BMERB1: variants seen among roughly 807,000 people sequenced by gnomAD.
BMERB1 encodes the protein bMERB domain-containing protein 1.
In BMERB1, 12 loss-of-function variants were observed where a neutral mutation model predicts 23.6. The ratio of observed to expected loss-of-function variants is 0.51; its 90% confidence interval spans 0.33 to 0.82. BMERB1 has a LOEUF of 0.82. BMERB1 is among the 40% of genes least tolerant of loss of function. The pLI, the probability that BMERB1 is intolerant of heterozygous loss-of-function variation, is 0.03. For missense variants in BMERB1, 247 were observed against 255.4 expected (o/e 0.97, Z 0.22); for synonymous variants, 122 against 96.6 (o/e 1.26, Z -1.54).
intron 1 of BMERB1, among the ~76,000 whole-genome samples, chr16:15,509,024 C>T (rs1328471961): frequency 6.6e-6 from 1 of 151,738 alleles, no homozygotes; most frequent in African/African-American, 2.4e-5. Flanking sequence ...CATTCTTTGC[C>T]CCAAATCCAA....
chr16:15,549,510 C>G (rs567272648), intron 2 of BMERB1, among the ~76,000 whole-genome samples: 3 of 152,028 alleles, frequency 2.0e-5, no homozygotes, highest in South Asian at 4.2e-4. Flanking sequence ...GAAACCCTGT[C>G]TCTACTAAAA....
intron 1 of BMERB1, among the ~76,000 whole-genome samples, chr16:15,505,398 G>A (rs1004212923): frequency 3.3e-5 from 5 of 152,158 alleles, no homozygotes; most frequent in Non-Finnish European, 7.3e-5. Flanking sequence ...CCTAGTACTT[G>A]CTGATTCACC....
chr16:15,519,542 C>G (rs1183082118), intron 2 of BMERB1, among the ~76,000 whole-genome samples: 6 of 152,244 alleles, frequency 3.9e-5, no homozygotes, highest in Admixed American at 3.9e-4. Context: ...AGGTGCCCAC[C>G]ACCATGCCCA....
chr16:15,518,173 G>C (rs2051797810), intron 2 of BMERB1, among the ~76,000 whole-genome samples: 1 of 152,158 alleles, frequency 6.6e-6, no homozygotes, highest in Admixed American at 6.5e-5. Flanking sequence ...TGATCTCATT[G>C]AATGTCCTCA....
intron 2 of BMERB1, among the ~76,000 whole-genome samples, chr16:15,560,521 G>A (rs2030386862): frequency 6.6e-6 from 1 of 152,178 alleles, no homozygotes; most frequent in Non-Finnish European, 1.5e-5. Flanking sequence ...GCCAGGCATA[G>A]TGGCTCATGC....
intron 2 of BMERB1, among the ~76,000 whole-genome samples, chr16:15,552,531 G>A (rs892689482): frequency 4.6e-5 from 7 of 152,298 alleles, no homozygotes; most frequent in South Asian, 4.1e-4. Context: ...GGCTAAGTGC[G>A]GTCCCAGAAA....
rs560888127 is a variant in BMERB1 at position 15,449,005 on chromosome 16, A to G, written c.106+14246A>G. Among the ~76,000 whole-genome samples the G allele has an allele frequency of 2.0e-5, 3 of 152,260 alleles. No individual in the cohort carries two copies. The South Asian group carries it at 6.2e-4, about 32-fold the overall frequency. ...CACACCTTAAATTTTTGATTCTTAG[A>G]TGCCAGCATAGGTGAGGTATAACAT... On this transcript the variant is annotated intron_variant, in intron 1 of 5. Coordinates refer to ENST00000300006, the MANE Select transcript of BMERB1 (RefSeq NM_033201.3).
At chr16:15,567,056 A>G (rs900128156) in intron 2 of BMERB1, among the ~76,000 whole-genome samples, 1 of 151,566 alleles carries the variant, frequency 6.6e-6, no homozygotes, top group African/African-American at 2.4e-5. Context: ...AGTCCCAGCT[A>G]CTCCGTAGGG....
intron 4 of BMERB1, among the ~76,000 whole-genome samples, chr16:15,582,556 A>T (rs920875826): frequency 6.7e-6 from 1 of 148,940 alleles, no homozygotes; most frequent in African/African-American, 2.5e-5. Flanking sequence ...TATCTCTACA[A>T]TTTTTTTTTT....
chr16:15,544,778 A>G (rs557720447), intron 2 of BMERB1, among the ~76,000 whole-genome samples: 9 of 152,172 alleles, frequency 5.9e-5, no homozygotes, highest in Non-Finnish European at 1.3e-4. Context: ...CCTAGCTCAT[A>G]TGAGTGACTG....
chr16:15,468,090 C>CT (rs959967359), intron 1 of BMERB1, among the ~76,000 whole-genome samples: 64 of 117,276 alleles, frequency 5.5e-4, no homozygotes, highest in African/African-American at 1.4e-3. Flanking sequence ...TATTTCTTTT[C>CT]TTTTTTTTTA....
At chr16:15,480,337 A>G (rs2051309114) in intron 1 of BMERB1, among the ~76,000 whole-genome samples, 1 of 151,876 alleles carries the variant, frequency 6.6e-6, no homozygotes, top group Admixed American at 6.6e-5. Context: ...GATGGTCTCA[A>G]TCTCCTGACC....
intron 2 of BMERB1, among the ~76,000 whole-genome samples, chr16:15,545,629 G>A (rs1013104881): frequency 6.6e-6 from 1 of 152,148 alleles, no homozygotes; most frequent in African/African-American, 2.4e-5. Flanking sequence ...CCAGAGACTG[G>A]CCACAGGACC....
intron 1 of BMERB1, among the ~76,000 whole-genome samples, chr16:15,499,810 A>G (rs1598474080): frequency 6.6e-6 from 1 of 152,226 alleles, no homozygotes; most frequent in East Asian, 1.9e-4. Flanking sequence ...AAGATGTCGC[A>G]GCATTATTAT....
chr16:15,554,061 G>T (rs1263809268), intron 2 of BMERB1, among the ~76,000 whole-genome samples: 1 of 152,082 alleles, frequency 6.6e-6, no homozygotes, highest in Admixed American at 6.6e-5. Context: ...CCTAATATTT[G>T]TCTCAGCTCC....
chr16:15,498,708 G>T (rs1373720602), intron 1 of BMERB1, among the ~76,000 whole-genome samples: 10 of 152,104 alleles, frequency 6.6e-5, no homozygotes, highest in Admixed American at 6.6e-4. Flanking sequence ...GGAAGGAAAA[G>T]AGAGAAAGGA....
rs962962059 is a variant in BMERB1 at position 15,541,599 on chromosome 16, ATTT to A, written c.230+26189_230+26191del. On this transcript the variant is annotated intron_variant, in intron 2 of 5. Coordinates refer to ENST00000300006, the MANE Select transcript of BMERB1 (RefSeq NM_033201.3). Reference sequence around the variant, plus strand: ...TGCCAACATGCCTGGCTAATTTTTAATTTTTTTTTTTTTTTTTTTTGAGACAGA... The same window carrying A: ...TGCCAACATGCCTGGCTAATTTTTAATTTTTTTTTTTTTTTTTGAGACAGA... Among the ~76,000 whole-genome samples, 63 of 87,874 alleles carry A rather than the reference ATTT, an allele frequency of 7.2e-4. No homozygotes were observed. In the East Asian group the frequency reaches 0.016, roughly 23 times the overall value. The allele number at this position is 87,874 out of a possible 152,430, so 57.6% of individuals were successfully genotyped here.
At chr16:15,447,985 G>C (rs1055486448) in intron 1 of BMERB1, 4 of 448,872 alleles carry the variant, frequency 8.9e-6, no homozygotes, top group Admixed American at 4.8e-5. Context: ...CACCTCCTGG[G>C]TTCAAGCGAT....
At chr16:15,507,558 T>A (rs991684393) in intron 1 of BMERB1, among the ~76,000 whole-genome samples, 127 of 152,248 alleles carry the variant, frequency 8.3e-4, no homozygotes, top group Non-Finnish European at 9.3e-4. Flanking sequence ...TGCTTGGAAG[T>A]GTGCGTGAGA....
Sources: gnomAD v4.1 joint callset for allele counts (sites outside exome capture counted in the v4.1 genomes callset) on GRCh38, gnomAD v4.1.1 for gene constraint, MANE v1.5 for transcripts, NCBI Gene and HGNC (gene_info 2026-07-23, HGNC 2026-07-21) for gene names.